Variants in ZNF75D observed in about 807,000 individuals in gnomAD.
ZNF75D encodes zinc finger protein 75.
ZNF75D carries 33 observed loss-of-function variants against 33.3 expected under a neutral mutation model. That is an observed-to-expected ratio of 0.99 (90% CI 0.75 to 1.32). The LOEUF is 1.32. Ranked by LOEUF, ZNF75D falls within the 40% of genes most tolerant of loss-of-function variation. The pLI is 0.00. For missense variants in ZNF75D, 338 were observed against 367.5 expected (o/e 0.92, Z 0.66); for synonymous variants, 113 against 130.6 (o/e 0.87, Z 0.92).
intron 1 of ZNF75D, among the ~76,000 whole-genome samples, chrX:135,260,763 G>A (rs1332886945): frequency 2.1e-4 from 23 of 111,688 alleles, no homozygotes; most frequent in African/African-American, 7.2e-4. Context: ...TGGATTCATT[G>A]ATTTTTTTGA....
intron 1 of ZNF75D, among the ~76,000 whole-genome samples, chrX:135,325,756 T>G (rs1022511801): frequency 1.2e-4 from 13 of 111,301 alleles, no homozygotes; most frequent in Non-Finnish European, 1.9e-4. Context: ...TGGGCTCCTG[T>G]GCGGCCTGAG....
chrX:135,284,066 C>T (rs1556418960), downstream of ZNF75D, among the ~76,000 whole-genome samples: 1 of 111,831 alleles, frequency 8.9e-6, no homozygotes, highest in African/African-American at 3.3e-5. Flanking sequence ...GACTGGAAAA[C>T]GAGTTCATAC....
chrX:135,258,376 C>A (rs781874265), intron 1 of ZNF75D, among the ~76,000 whole-genome samples: 3 of 110,797 alleles, frequency 2.7e-5, no homozygotes, highest in Non-Finnish European at 5.7e-5. Flanking sequence ...GCCACACTGT[C>A]TCCCACAATG....
chrX:135,314,060 C>T (rs973472941), intron 1 of ZNF75D, among the ~76,000 whole-genome samples: 11 of 111,739 alleles, frequency 9.8e-5, no homozygotes, highest in African/African-American at 3.6e-4. Context: ...GCATCCTTAA[C>T]TTGTTCCAGT....
At chrX:135,329,208 A>C (rs1411067798) in intron 1 of ZNF75D, among the ~76,000 whole-genome samples, 4 of 112,522 alleles carry the variant, frequency 3.6e-5, no homozygotes, top group African/African-American at 1.3e-4. Flanking sequence ...AGGATGATAA[A>C]ATGCATAATG....
intron 1 of ZNF75D, among the ~76,000 whole-genome samples, chrX:135,274,773 C>T (rs1556417395): frequency 8.9e-6 from 1 of 111,980 alleles, no homozygotes; most frequent in Non-Finnish European, 1.9e-5. Context: ...ATTTTTGATG[C>T]TCACTTAATA....
At chrX:135,279,782 T>C (rs1266071387) in intron 1 of ZNF75D, among the ~76,000 whole-genome samples, 1 of 112,125 alleles carries the variant, frequency 8.9e-6, no homozygotes, top group Non-Finnish European at 1.9e-5. Context: ...TCAATTTCCA[T>C]GTAGTTGTGA....
chrX:135,287,663 T>C lies in ZNF75D; in HGVS notation c.1007A>G (p.Lys336Arg), dbSNP rs782693291. 11 of 1,209,137 alleles carry C rather than the reference T, an allele frequency of 9.1e-6. No individual in the cohort carries two copies. The highest frequency in any genetic ancestry group is 1.2e-5 in the Non-Finnish European group (11 of 895,138). Residue 336 changes from lysine to arginine, a missense_variant, in exon 7 of 7, where the codon AAG becomes AGG. By Grantham distance (26) the Lys-to-Arg change is conservative (BLOSUM62 2). Transcript: ENST00000370766. ...VQKWHRAFPRKKRKKPATCKQ... is the reference protein window; with the variant it reads ...VQKWHRAFPRRKRKKPATCKQ... ...ACAAGTTGCAGGTTTCTTTCTTTTC[T>C]TCCTTGGAAAAGCTCGATGCCATTT... is the stretch of plus-strand genomic sequence containing the variant.
At chrX:135,313,991 T>G in intron 1 of ZNF75D, among the ~76,000 whole-genome samples, 1 of 111,901 alleles carries the variant, frequency 8.9e-6, no homozygotes, top group Non-Finnish European at 1.9e-5. Flanking sequence ...TTCTTTCTCT[T>G]GCATGATTGC....
chrX:135,288,045 T>G (rs1213061591), intron 6 of ZNF75D, among the ~76,000 whole-genome samples, 199 bp from the exon 7 acceptor site: 1 of 110,814 alleles, frequency 9.0e-6, no homozygotes, highest in Non-Finnish European at 1.9e-5. Context: ...TTAAGTGATA[T>G]GAGATAACAA....
chrX:135,338,270 C>T (rs1556443285), intron 1 of ZNF75D, among the ~76,000 whole-genome samples: 1 of 111,108 alleles, frequency 9.0e-6, no homozygotes, highest in East Asian at 2.8e-4. Context: ...ATTGTCTCCG[C>T]AATCTGGGGT....
chrX:135,291,681 T>A, intron 4 of ZNF75D, 118 bp from the exon 5 acceptor site: 1 of 1,009,056 alleles, frequency 9.9e-7, no homozygotes, highest in Non-Finnish European at 1.3e-6. Flanking sequence ...CATTGACAAG[T>A]GTGTGTGTGG....
chrX:135,321,994 T>C (rs372825892), intron 1 of ZNF75D, among the ~76,000 whole-genome samples: 13 of 112,339 alleles, frequency 1.2e-4, no homozygotes, highest in African/African-American at 4.2e-4. Context: ...CTGCAGGTGC[T>C]TAATTGCTTT....
At chrX:135,333,656 A>C (rs1393892212) in intron 1 of ZNF75D, among the ~76,000 whole-genome samples, 3 of 111,541 alleles carry the variant, frequency 2.7e-5, no homozygotes, top group Non-Finnish European at 5.6e-5. Flanking sequence ...AAGGCTGATG[A>C]GACATTTTCC....
At chrX:135,305,995 T>G in intron 1 of ZNF75D, among the ~76,000 whole-genome samples, 1 of 111,437 alleles carries the variant, frequency 9.0e-6, no homozygotes, top group Non-Finnish European at 1.9e-5. Flanking sequence ...GGTATAGAGA[T>G]GGGTCAATGG....
chrX:135,310,465 G>C (rs1465445033), intron 1 of ZNF75D, among the ~76,000 whole-genome samples: 1 of 112,038 alleles, frequency 8.9e-6, no homozygotes, highest in Admixed American at 9.4e-5. Context: ...AGAGCAAAGA[G>C]GTCAGAGCCA....
intron 1 of ZNF75D, among the ~76,000 whole-genome samples, chrX:135,304,910 G>T (rs1189381137): frequency 2.7e-5 from 3 of 112,690 alleles, no homozygotes; most frequent in South Asian, 3.7e-4. Context: ...GTTGCTTATG[G>T]CAATTGCCAT....
chrX:135,343,139 T>A lies in ZNF75D; in HGVS notation c.-1762A>T, dbSNP rs1446492530. 1 of 111,937 alleles carries A rather than the reference T, an allele frequency of 8.9e-6. No individual in the cohort carries two copies. Among genetic ancestry groups the A allele is most frequent in the Non-Finnish European group, 1.9e-5 (1 of 53,154 alleles). The allele number at this position is 111,937 out of a possible 1,213,427, so 9.2% of individuals were successfully genotyped here. ...CTCAGGGCAATCAAGAAAATCTGAA[T>A]GGGGAATTAAGACAGCGAGATGTCT... On this transcript the variant is annotated 5_prime_UTR_variant, in exon 1 of 7. Transcript: ENST00000370766.
intron 1 of ZNF75D, among the ~76,000 whole-genome samples, chrX:135,316,052 T>C (rs1556431531): frequency 2.7e-5 from 3 of 111,886 alleles, no homozygotes; most frequent in African/African-American, 9.7e-5. Flanking sequence ...TTACCTGTAG[T>C]GGTATCAGTT....
Sources: allele counts gnomAD v4.1 joint callset (sites outside exome capture counted in the v4.1 genomes callset), GRCh38; gene constraint gnomAD v4.1.1; transcripts MANE v1.5; gene names NCBI Gene and HGNC (gene_info 2026-07-23, HGNC 2026-07-21).